Variants in SNTG2 observed in about 807,000 individuals in gnomAD.
SNTG2 encodes the protein syntrophin gamma 2.
In SNTG2, 74 loss-of-function variants were observed where a neutral mutation model predicts 70.9. That is an observed-to-expected ratio of 1.04 (90% CI 0.86 to 1.27). The LOEUF is 1.27. SNTG2 is among the 50% of genes most tolerant of loss of function. SNTG2 has a pLI of 0.00. For missense variants in SNTG2, 717 were observed against 690.7 expected (o/e 1.04, Z -0.43); for synonymous variants, 278 against 273.8 (o/e 1.02, Z -0.15).
chr2:965,619 C>T (rs1018205148), intron 1 of SNTG2, among the ~76,000 whole-genome samples: 2 of 151,872 alleles, frequency 1.3e-5, no homozygotes, highest in South Asian at 2.1e-4. Flanking sequence ...TGGTCCTCCT[C>T]GTCCTTTGGG....
intron 8 of SNTG2, among the ~76,000 whole-genome samples, chr2:1,189,881 A>G (rs1174540504): frequency 1.3e-5 from 2 of 152,182 alleles, no homozygotes; most frequent in Non-Finnish European, 2.9e-5. Flanking sequence ...TTCATATAAC[A>G]GAGGGTGTCT....
chr2:1,228,367 G>T (rs1675942024), intron 9 of SNTG2, among the ~76,000 whole-genome samples: 1 of 152,216 alleles, frequency 6.6e-6, no homozygotes, highest in African/African-American at 2.4e-5. Flanking sequence ...CCTGCTGGGG[G>T]GAGGAGCGCC....
At chr2:1,186,705 G>A (rs1672274534) in intron 8 of SNTG2, among the ~76,000 whole-genome samples, 1 of 152,126 alleles carries the variant, frequency 6.6e-6, no homozygotes, top group African/African-American at 2.4e-5. Context: ...CATGAGAACA[G>A]CAAGGGGAAA....
chr2:1,366,155 A>G (rs1310589770), intron 16 of SNTG2, among the ~76,000 whole-genome samples: 1 of 152,150 alleles, frequency 6.6e-6, no homozygotes, highest in Non-Finnish European at 1.5e-5. Flanking sequence ...TAGGATGTCA[A>G]TCAATTAGCA....
intron 6 of SNTG2, among the ~76,000 whole-genome samples, chr2:1,143,076 C>T (rs895563715): frequency 3.9e-5 from 6 of 152,014 alleles, no homozygotes; most frequent in Admixed American, 6.6e-5. Context: ...CAGTGACTGC[C>T]GATAGGGGAG....
chr2:1,122,980 A>G (rs892631170), intron 4 of SNTG2, among the ~76,000 whole-genome samples: 16 of 152,168 alleles, frequency 1.1e-4, no homozygotes, highest in Admixed American at 2.0e-4. Context: ...TAAAATATTT[A>G]GCAATAAGTA....
intron 14 of SNTG2, among the ~76,000 whole-genome samples, chr2:1,287,823 G>A (rs997556846): frequency 2.0e-5 from 3 of 152,162 alleles, no homozygotes; most frequent in South Asian, 2.1e-4. Flanking sequence ...AATAAGATGC[G>A]TCCTTTTCCA....
At chr2:1,164,126 G>A (rs1021699469) in intron 6 of SNTG2, among the ~76,000 whole-genome samples, 2 of 152,174 alleles carry the variant, frequency 1.3e-5, no homozygotes, top group Admixed American at 6.5e-5. Flanking sequence ...TTTATGTAGA[G>A]GAGAGAGCAA....
chr2:1,351,931 G>A (rs1005705623), intron 16 of SNTG2, among the ~76,000 whole-genome samples: 4 of 152,040 alleles, frequency 2.6e-5, no homozygotes, highest in South Asian at 4.2e-4. Flanking sequence ...GGAAAGTCCT[G>A]TACTCAGTCT....
intron 9 of SNTG2, among the ~76,000 whole-genome samples, chr2:1,234,523 T>A (rs1676477454): frequency 6.6e-6 from 1 of 152,246 alleles, no homozygotes; most frequent in Non-Finnish European, 1.5e-5. Flanking sequence ...TGTGGTACGG[T>A]TGGCATTTGA....
intron 2 of SNTG2, among the ~76,000 whole-genome samples, chr2:1,087,195 C>T (rs147083114): frequency 2.3e-4 from 35 of 152,296 alleles, no homozygotes; most frequent in Middle Eastern, 3.4e-3. Context: ...AAGACAGCGG[C>T]ACTTCCTTCT....
At chr2:1,039,831 C>A (rs1221771117) in intron 1 of SNTG2, among the ~76,000 whole-genome samples, 1 of 152,168 alleles carries the variant, frequency 6.6e-6, no homozygotes, top group Non-Finnish European at 1.5e-5. Flanking sequence ...GCTGTCAGCC[C>A]TGCTCTGGAA....
intron 1 of SNTG2, among the ~76,000 whole-genome samples, chr2:980,751 A>G (rs773908256): frequency 6.6e-6 from 1 of 152,104 alleles, no homozygotes; most frequent in South Asian, 2.1e-4. Flanking sequence ...AAGGGATGTG[A>G]TGAAACCTTG....
At chr2:1,209,313 G>C in intron 9 of SNTG2, 83 bp downstream of exon 9, 2 of 1,558,066 alleles carry the variant, frequency 1.3e-6, no homozygotes, top group Middle Eastern at 1.7e-4. Context: ...GGTTACTCCA[G>C]AGCGCTTGAC....
intron 9 of SNTG2, among the ~76,000 whole-genome samples, chr2:1,209,523 A>G (rs1163888076): frequency 6.6e-6 from 1 of 152,226 alleles, no homozygotes; most frequent in African/African-American, 2.4e-5. Flanking sequence ...TTAGTTTTAA[A>G]TGCTAACAGA....
chr2:1,039,736 G>A (rs1336956106), intron 1 of SNTG2, among the ~76,000 whole-genome samples: 2 of 152,054 alleles, frequency 1.3e-5, no homozygotes, highest in East Asian at 1.9e-4. Context: ...AAATATAAGC[G>A]CTGCTCCTAA....
At chr2:1,194,726 CTTAT>C (rs1384000309) in intron 8 of SNTG2, among the ~76,000 whole-genome samples, 1 of 151,934 alleles carries the variant, frequency 6.6e-6, no homozygotes, top group African/African-American at 2.4e-5. Flanking sequence ...GCTGATCAGG[CTTAT>C]TTATTTATTT....
intron 16 of SNTG2, among the ~76,000 whole-genome samples, chr2:1,361,022 A>G (rs4267549): frequency 0.72 from 109,742 of 152,056 alleles, 39,908 homozygotes; most frequent in East Asian, 0.94. Context: ...TTCCACTAGC[A>G]TCCATCAACT....
At chr2:1,321,614 T>G (rs1391760983) in intron 16 of SNTG2, among the ~76,000 whole-genome samples, 1 of 152,110 alleles carries the variant, frequency 6.6e-6, no homozygotes, top group Non-Finnish European at 1.5e-5. Flanking sequence ...GAGAAAACTA[T>G]TTCAGGAAGC....
Sources: allele counts gnomAD v4.1 joint callset (sites outside exome capture counted in the v4.1 genomes callset), GRCh38; gene constraint gnomAD v4.1.1; transcripts MANE v1.5; gene names NCBI Gene and HGNC (gene_info 2026-07-23, HGNC 2026-07-21).